TENM3: variants seen among roughly 807,000 people sequenced by gnomAD.
The protein encoded by TENM3 is teneurin transmembrane protein 3.
Under a neutral mutation model 255.1 loss-of-function variants are expected in TENM3, and 63 were observed. The ratio of observed to expected loss-of-function variants is 0.25; its 90% confidence interval spans 0.20 to 0.30. The LOEUF (loss-of-function observed/expected upper bound fraction) is 0.30, where lower values mean the gene tolerates loss of function less well. Among genes scored for constraint, TENM3 ranks in the 10% least tolerant of loss-of-function variants. The pLI is 1.00. For synonymous variants in TENM3, 1,306 were observed against 1,322.3 expected (o/e 0.99, Z 0.27); for missense variants, 2,929 against 3,461.1 (o/e 0.85, Z 3.86).
the TENM3 span, among the ~76,000 whole-genome samples, chr4:181,785,602 G>A: frequency 1.6e-4 from 24 of 152,178 alleles, no homozygotes; most frequent in Non-Finnish European, 2.9e-4. Flanking sequence ...CCAATATAAA[G>A]CTTAAAGGAA....
At chr4:181,755,277 G>A in the TENM3 span, among the ~76,000 whole-genome samples, 1 of 152,022 alleles carries the variant, frequency 6.6e-6, no homozygotes, top group East Asian at 1.9e-4. Flanking sequence ...TTTCATTATT[G>A]TCGATTTTTC....
chr4:181,859,406 GT>G, the TENM3 span, among the ~76,000 whole-genome samples: 1 of 151,906 alleles, frequency 6.6e-6, no homozygotes, highest in Non-Finnish European at 1.5e-5. Flanking sequence ...ATTTTCTTGA[GT>G]AATAGTGGCA....
chr4:182,054,954 GAGA>G, the TENM3 span, among the ~76,000 whole-genome samples: 1 of 152,150 alleles, frequency 6.6e-6, no homozygotes, highest in African/African-American at 2.4e-5. Flanking sequence ...TCGGAGGTAG[GAGA>G]AGTTTATCTG....
the TENM3 span, among the ~76,000 whole-genome samples, chr4:181,556,042 G>A: frequency 0.32 from 49,199 of 152,050 alleles, 8,847 homozygotes; most frequent in Non-Finnish European, 0.41. Flanking sequence ...AGGTTTTCAT[G>A]TGTTTACTAT....
At chr4:181,790,787 A>G in the TENM3 span, among the ~76,000 whole-genome samples, 1 of 152,156 alleles carries the variant, frequency 6.6e-6, no homozygotes, top group Non-Finnish European at 1.5e-5. Context: ...CTGCTTACGG[A>G]GAGAGGAAAT....
chr4:182,557,516 C>T (rs1407213842), intron 3 of TENM3, among the ~76,000 whole-genome samples: 1 of 152,204 alleles, frequency 6.6e-6, no homozygotes, highest in African/African-American at 2.4e-5. Flanking sequence ...GATGAGCCCT[C>T]ATTTCTACGG....
the TENM3 span, among the ~76,000 whole-genome samples, chr4:181,852,762 A>G: frequency 6.6e-6 from 1 of 152,242 alleles, no homozygotes; most frequent in Non-Finnish European, 1.5e-5. Context: ...TGTAATTCTC[A>G]CAAAACAATA....
chr4:182,493,711 T>C (rs1477527985), intron 3 of TENM3, among the ~76,000 whole-genome samples: 1 of 152,142 alleles, frequency 6.6e-6, no homozygotes, highest in Non-Finnish European at 1.5e-5. Context: ...TCTGTTCAGT[T>C]AGATTGTACC....
chr4:181,534,211 C>G, the TENM3 span, among the ~76,000 whole-genome samples: 8 of 139,780 alleles, frequency 5.7e-5, no homozygotes, highest in Non-Finnish European at 1.2e-4. Context: ...GCCTGGGCAA[C>G]AGAGCAAGAC....
At chr4:182,376,400 T>G (rs1324924524) in intron 3 of TENM3, among the ~76,000 whole-genome samples, 1 of 152,208 alleles carries the variant, frequency 6.6e-6, no homozygotes, top group Non-Finnish European at 1.5e-5. Context: ...TTGTCGACAG[T>G]TACTCAGTGC....
chr4:182,561,129 A>C (rs1339369387), intron 3 of TENM3, among the ~76,000 whole-genome samples: 1 of 152,174 alleles, frequency 6.6e-6, no homozygotes, highest in Non-Finnish European at 1.5e-5. Context: ...GGATTTAATA[A>C]TTATAATTAA....
At chr4:182,039,247 T>C in the TENM3 span, among the ~76,000 whole-genome samples, 1 of 152,148 alleles carries the variant, frequency 6.6e-6, no homozygotes, top group Admixed American at 6.5e-5. Flanking sequence ...AATTTTTTCT[T>C]TCAGTAGGGG....
intron 1 of TENM3, among the ~76,000 whole-genome samples, chr4:182,293,945 A>G (rs563868684): frequency 6.6e-6 from 1 of 152,128 alleles, no homozygotes; most frequent in African/African-American, 2.4e-5. Context: ...ATGCCTCGAC[A>G]ATGACAATTA....
At chr4:181,487,346 G>C in the TENM3 span, among the ~76,000 whole-genome samples, 1 of 152,116 alleles carries the variant, frequency 6.6e-6, no homozygotes, top group East Asian at 1.9e-4. Context: ...GTGCGTTTGG[G>C]CTGTTGAAAC....
At chr4:182,593,332 A>G (rs1198088329) in intron 3 of TENM3, among the ~76,000 whole-genome samples, 1 of 151,980 alleles carries the variant, frequency 6.6e-6, no homozygotes, top group African/African-American at 2.4e-5. Context: ...TGAAATTAAA[A>G]CTGTTTCTGT....
intron 1 of TENM3, among the ~76,000 whole-genome samples, chr4:182,263,224 C>G (rs1046848501): frequency 6.6e-6 from 1 of 152,024 alleles, no homozygotes; most frequent in African/African-American, 2.4e-5. Context: ...GACCCCCGAC[C>G]CAAAGGAAAT....
chr4:182,509,229 A>T (rs1737135776), intron 3 of TENM3, among the ~76,000 whole-genome samples: 1 of 152,216 alleles, frequency 6.6e-6, no homozygotes, highest in Admixed American at 6.5e-5. Flanking sequence ...TGAGCCTGAG[A>T]CACAGATGGT....
intron 23 of TENM3, 102 bp from the exon 24 acceptor site, chr4:182,774,816 T>G (rs904516455): frequency 5.3e-6 from 4 of 759,384 alleles, no homozygotes; most frequent in Non-Finnish European, 8.7e-6. Flanking sequence ...TACTCCTTAT[T>G]CCTAGTCAAC....
At chr4:182,797,149 C>T (rs1766550359) in intron 27 of TENM3, among the ~76,000 whole-genome samples, 1 of 152,156 alleles carries the variant, frequency 6.6e-6, no homozygotes, top group Non-Finnish European at 1.5e-5. Flanking sequence ...TAAAAATTAA[C>T]AGTGTTTTGG....
Sources: allele counts gnomAD v4.1 joint callset (sites outside exome capture counted in the v4.1 genomes callset), GRCh38; gene constraint gnomAD v4.1.1; transcripts MANE v1.5; gene names NCBI Gene and HGNC (gene_info 2026-07-23, HGNC 2026-07-21).